MAD1L1: variants seen among roughly 807,000 people sequenced by gnomAD.
MAD1L1 encodes mitotic arrest deficient 1 like 1, also known as mitotic spindle assembly checkpoint protein MAD1.
A neutral mutation model predicts 96.9 loss-of-function variants in MAD1L1; 95 were observed. That is an observed-to-expected ratio of 0.98 (90% CI 0.83 to 1.16). The LOEUF (loss-of-function observed/expected upper bound fraction) is 1.16, where lower values mean the gene tolerates loss of function less well. Ranked by LOEUF, MAD1L1 falls within the 50% of genes most tolerant of loss-of-function variation. The pLI is 0.00. For missense variants in MAD1L1, 1,007 were observed against 954.4 expected, an observed-to-expected ratio of 1.06 and a Z score of -0.73; for synonymous variants, 473 against 396.6, an observed-to-expected ratio of 1.19 and a Z score of -2.29.
chr7:2,218,448 C>T (rs746326917), intron 6 of MAD1L1, among the ~76,000 whole-genome samples: 9 of 152,234 alleles, frequency 5.9e-5, no homozygotes, highest in African/African-American at 1.7e-4. Context: ...TCTCCTAAAA[C>T]CACATCTGCT....
At chr7:2,212,110 C>T (rs1475263644) in intron 10 of MAD1L1, among the ~76,000 whole-genome samples, 1 of 152,188 alleles carries the variant, frequency 6.6e-6, no homozygotes, top group Non-Finnish European at 1.5e-5. Flanking sequence ...GCAGGGGCAC[C>T]GCGACTGAAG....
chr7:2,073,608 A>G (rs1223431013), intron 11 of MAD1L1, among the ~76,000 whole-genome samples: 1 of 152,148 alleles, frequency 6.6e-6, no homozygotes. Context: ...GCTGTCAAGC[A>G]TCGAGCAGCT....
chr7:1,843,185 C>A (rs1289852529), intron 18 of MAD1L1, among the ~76,000 whole-genome samples: 2 of 152,220 alleles, frequency 1.3e-5, no homozygotes, highest in Admixed American at 6.5e-5. Context: ...TTGCCCTACT[C>A]CTCTGAAAGC....
At chr7:1,827,948 G>A (rs147524259) in intron 18 of MAD1L1, among the ~76,000 whole-genome samples, 62 of 152,296 alleles carry the variant, frequency 4.1e-4, no homozygotes, top group Admixed American at 1.0e-3. Context: ...GTGACGTTTC[G>A]TGGAGCGCCA....
At chr7:2,224,386 C>T (rs958890582) in intron 4 of MAD1L1, among the ~76,000 whole-genome samples, 1 of 152,176 alleles carries the variant, frequency 6.6e-6, no homozygotes, top group South Asian at 2.1e-4. Context: ...TGAGCAAACG[C>T]CCCACCTCTC....
intron 16 of MAD1L1, among the ~76,000 whole-genome samples, chr7:1,937,665 C>T (rs1009280042): frequency 4.7e-5 from 7 of 148,494 alleles, no homozygotes; most frequent in African/African-American, 1.5e-4. Context: ...CCCGAGACCC[C>T]GACCTCACGC....
Position 2,192,934 on chromosome 7 carries a change from ACTT to A in MAD1L1, c.986+20275_986+20277del, listed in dbSNP as rs375752633. On this transcript the variant is annotated intron_variant, in intron 10 of 18. Coordinates refer to ENST00000265854, the MANE Select transcript of MAD1L1 (RefSeq NM_001013836.2). ...CGTTTAGAAAAGGAAAAAACTGTGA[ACTT>A]AACACAAAATGTATTCAAGCTTAGC... 1.2e-4 allele frequency among the ~76,000 whole-genome samples: 18 copies of A among 152,330 alleles called. 1 individual carries two copies. In the East Asian group the frequency reaches 1.9e-3, roughly 16 times the overall value.
At chr7:1,977,959 G>A (rs1278100251) in intron 15 of MAD1L1, among the ~76,000 whole-genome samples, 2 of 152,252 alleles carry the variant, frequency 1.3e-5, no homozygotes, top group African/African-American at 2.4e-5. Context: ...CCTGGGGACT[G>A]GAGGACAACG....
chr7:2,007,108 G>A (rs77320894), intron 13 of MAD1L1, among the ~76,000 whole-genome samples: 89 of 152,254 alleles, frequency 5.8e-4, no homozygotes, highest in African/African-American at 2.0e-3. Context: ...GGGCCTGGCA[G>A]GCCAGCACCA....
At chr7:2,122,524 C>A (rs953553983) in intron 11 of MAD1L1, among the ~76,000 whole-genome samples, 6 of 152,008 alleles carry the variant, frequency 3.9e-5, no homozygotes, top group African/African-American at 9.7e-5. Context: ...ATCACTTGAA[C>A]CCGGGAGGCG....
At chr7:1,942,126 T>C (rs973451645) in intron 16 of MAD1L1, among the ~76,000 whole-genome samples, 1 of 152,156 alleles carries the variant, frequency 6.6e-6, no homozygotes, top group African/African-American at 2.4e-5. Flanking sequence ...TGTCTGTCCA[T>C]CTGACATGAT....
intron 11 of MAD1L1, among the ~76,000 whole-genome samples, chr7:2,078,455 G>A (rs947775806): frequency 1.1e-4 from 16 of 152,306 alleles, no homozygotes; most frequent in South Asian, 4.1e-4. Context: ...CCTGCCCCAC[G>A]CTCACGGGGC....
chr7:1,878,729 TGTCCC>T, intron 18 of MAD1L1, among the ~76,000 whole-genome samples: 2 of 109,182 alleles, frequency 1.8e-5, no homozygotes, highest in East Asian at 5.5e-4. Flanking sequence ...AAGGTAAAAA[TGTCCC>T]CCCCCCCCCA....
intron 3 of MAD1L1, among the ~76,000 whole-genome samples, chr7:2,228,330 C>G (rs555256752): frequency 6.6e-6 from 1 of 152,154 alleles, no homozygotes; most frequent in Non-Finnish European, 1.5e-5. Context: ...GGCGCGATGG[C>G]TCACTGCAAC....
At chr7:2,083,840 T>A (rs1019762151) in intron 11 of MAD1L1, among the ~76,000 whole-genome samples, 3 of 152,200 alleles carry the variant, frequency 2.0e-5, no homozygotes, top group African/African-American at 7.2e-5. Context: ...GACCTCCTGG[T>A]TGGTCACTGT....
chr7:1,918,742 C>G (rs988332213), intron 17 of MAD1L1, among the ~76,000 whole-genome samples: 24 of 152,344 alleles, frequency 1.6e-4, no homozygotes, highest in East Asian at 7.7e-4. Flanking sequence ...GAGTGCCAGC[C>G]AGCCTTCAGC....
intron 10 of MAD1L1, among the ~76,000 whole-genome samples, chr7:2,195,235 A>C (rs563855670): frequency 6.6e-6 from 1 of 152,370 alleles, no homozygotes; most frequent in Non-Finnish European, 1.5e-5. Context: ...AATGCTTGTA[A>C]TAGCTACCAA....
chr7:2,177,152 T>G (rs746602715), intron 10 of MAD1L1, among the ~76,000 whole-genome samples: 8 of 152,258 alleles, frequency 5.3e-5, no homozygotes, highest in Non-Finnish European at 8.8e-5. Flanking sequence ...CAAGTTTTTC[T>G]GTATCCGAGT....
At chr7:1,883,171 C>T (rs1430805819) in intron 18 of MAD1L1, among the ~76,000 whole-genome samples, 1 of 151,670 alleles carries the variant, frequency 6.6e-6, no homozygotes, top group Non-Finnish European at 1.5e-5. Flanking sequence ...TATCACCAAA[C>T]CTCGTGTCAC....
Sources: allele counts gnomAD v4.1 joint callset (sites outside exome capture counted in the v4.1 genomes callset), GRCh38; gene constraint gnomAD v4.1.1; transcripts MANE v1.5; gene names NCBI Gene and HGNC (gene_info 2026-07-23, HGNC 2026-07-21).